The following SLC4A10 variants were observed in gnomAD, a reference collection of about 807,000 sequenced individuals.
The protein encoded by SLC4A10 is sodium-driven chloride bicarbonate exchanger.
In SLC4A10, 42 loss-of-function variants were observed where a neutral mutation model predicts 137.7. The observed-to-expected ratio is 0.30, with a 90% CI of 0.24 to 0.39. The LOEUF (loss-of-function observed/expected upper bound fraction) is 0.39. SLC4A10 is among the 10% of genes least tolerant of loss of function. SLC4A10 has a pLI of 1.00. For missense variants in SLC4A10, 925 were observed against 1,355.0 expected, an observed-to-expected ratio of 0.68 and a Z score of 4.98; for synonymous variants, 474 against 464.1, an observed-to-expected ratio of 1.02 and a Z score of -0.27.
At chr2:161,838,353 G>A (rs1297068119) in intron 3 of SLC4A10, among the ~76,000 whole-genome samples, 1 of 151,732 alleles carries the variant, frequency 6.6e-6, no homozygotes, top group East Asian at 1.9e-4. Flanking sequence ...ATAGCTTCAA[G>A]ATGTAAAATA....
intron 18 of SLC4A10, 108 bp downstream of exon 18, chr2:161,949,369 G>C: frequency 1.5e-6 from 1 of 673,132 alleles, no homozygotes; most frequent in South Asian, 2.2e-5. Context: ...GAAGAATTTA[G>C]ATTAGAAGAC....
intron 15 of SLC4A10, among the ~76,000 whole-genome samples, chr2:161,939,423 A>G (rs1037381873): frequency 7.9e-5 from 12 of 151,504 alleles, no homozygotes; most frequent in Non-Finnish European, 2.9e-5. Context: ...TCTTCACTCT[A>G]CCTCCCTTTT....
chr2:161,738,044 C>A (rs2125227981), intron 1 of SLC4A10, among the ~76,000 whole-genome samples: 1 of 152,186 alleles, frequency 6.6e-6, no homozygotes, highest in South Asian at 2.1e-4. Flanking sequence ...GGATCCAGAC[C>A]AGTTTCTGTT....
chr2:161,879,068 A>T (rs2061597497), intron 8 of SLC4A10, 63 bp from the exon 9 acceptor site: 1 of 1,493,348 alleles, frequency 6.7e-7, no homozygotes, highest in Non-Finnish European at 9.2e-7. Flanking sequence ...GCACTGTGCA[A>T]GAATATGATT....
intron 1 of SLC4A10, among the ~76,000 whole-genome samples, chr2:161,636,997 C>T (rs778509907): frequency 6.7e-6 from 1 of 149,234 alleles, no homozygotes; most frequent in Non-Finnish European, 1.5e-5. Context: ...GGATTACAGG[C>T]GTGCATCACT....
chr2:161,887,010 C>G (rs1191363652), intron 10 of SLC4A10, among the ~76,000 whole-genome samples: 4 of 151,884 alleles, frequency 2.6e-5, no homozygotes, highest in Non-Finnish European at 5.9e-5. Flanking sequence ...TCTCATTGTT[C>G]AACTCCCACT....
At chr2:161,815,561 A>T (rs935958692) in intron 3 of SLC4A10, among the ~76,000 whole-genome samples, 1 of 152,098 alleles carries the variant, frequency 6.6e-6, no homozygotes, top group African/African-American at 2.4e-5. Flanking sequence ...AACGTATATG[A>T]ATCTTAAAAT....
chr2:161,911,815 GT>G (rs1685925661), intron 15 of SLC4A10, among the ~76,000 whole-genome samples: 1 of 151,876 alleles, frequency 6.6e-6, no homozygotes, highest in Non-Finnish European at 1.5e-5. Context: ...TTCACATATA[GT>G]TTCCCCCCTA....
chr2:161,691,075 T>A (rs2041940857), intron 1 of SLC4A10, among the ~76,000 whole-genome samples: 1 of 152,268 alleles, frequency 6.6e-6, no homozygotes, highest in African/African-American at 2.4e-5. Flanking sequence ...TACATACATA[T>A]CTTTTGAATT....
intron 1 of SLC4A10, among the ~76,000 whole-genome samples, chr2:161,763,056 CT>C (rs1026064443): frequency 6.6e-5 from 10 of 151,928 alleles, no homozygotes; most frequent in Admixed American, 5.9e-4. Context: ...ATTAGTTATT[CT>C]TTTTTACTTC....
intron 1 of SLC4A10, among the ~76,000 whole-genome samples, chr2:161,646,264 G>C (rs576183687): frequency 1.3e-5 from 2 of 152,100 alleles, no homozygotes; most frequent in South Asian, 4.1e-4. Flanking sequence ...TGATAACTTA[G>C]AGTGCCCTCT....
intron 1 of SLC4A10, among the ~76,000 whole-genome samples, chr2:161,647,945 G>T (rs2105548057): frequency 6.6e-6 from 1 of 152,278 alleles, no homozygotes; most frequent in East Asian, 1.9e-4. Context: ...ATGATGGCTG[G>T]TTTTTAGAAG....
chr2:161,926,298 A>G (rs1052253476), intron 15 of SLC4A10, among the ~76,000 whole-genome samples: 1 of 141,396 alleles, frequency 7.1e-6, no homozygotes, highest in African/African-American at 2.6e-5. Context: ...TCCCTTTACC[A>G]TTATGTAATG....
rs1687989811 is a variant in SLC4A10 at position 161,920,801 on chromosome 2, T to C, written c.1997+14914T>C. 2.6e-5 allele frequency among the ~76,000 whole-genome samples: 4 copies of C among 152,224 alleles called. 1 individual carries two copies. In the South Asian group the frequency reaches 8.3e-4, roughly 31 times the overall value. Reference sequence around the variant, plus strand: ...TTCAAGGAATAATAAGTAGGTTTACTGTTCTGTTCATACATGTGCTTACTC... The same window carrying C: ...TTCAAGGAATAATAAGTAGGTTTACCGTTCTGTTCATACATGTGCTTACTC... On this transcript the variant is annotated intron_variant, in intron 15 of 26. Coordinates refer to ENST00000446997, the MANE Select transcript of SLC4A10 (RefSeq NM_001178015.2).
intron 1 of SLC4A10, among the ~76,000 whole-genome samples, chr2:161,737,112 G>C (rs2047425249): frequency 6.6e-6 from 1 of 152,010 alleles, no homozygotes; most frequent in African/African-American, 2.4e-5. Flanking sequence ...TCCCACCTCA[G>C]CTTCCCAAAG....
At chr2:161,750,180 A>G (rs1193310275) in intron 1 of SLC4A10, among the ~76,000 whole-genome samples, 3 of 150,890 alleles carry the variant, frequency 2.0e-5, no homozygotes, top group Non-Finnish European at 4.5e-5. Flanking sequence ...TCAATTTTCT[A>G]TATTTTTTCA....
At chr2:161,635,576 A>G (rs2034277027) in intron 1 of SLC4A10, among the ~76,000 whole-genome samples, 1 of 152,160 alleles carries the variant, frequency 6.6e-6, no homozygotes, top group Non-Finnish European at 1.5e-5. Flanking sequence ...TGGTAAAGCC[A>G]TGTTTCATCT....
intron 3 of SLC4A10, among the ~76,000 whole-genome samples, chr2:161,810,836 G>T (rs1319325421): frequency 1.3e-5 from 2 of 151,758 alleles, no homozygotes; most frequent in Non-Finnish European, 2.9e-5. Context: ...CTGTTTTTGT[G>T]TCTCTGCCAG....
intron 8 of SLC4A10, among the ~76,000 whole-genome samples, chr2:161,876,364 A>G (rs1386018486): frequency 6.6e-6 from 1 of 152,142 alleles, no homozygotes; most frequent in Non-Finnish European, 1.5e-5. Context: ...CTTTAAACAT[A>G]ATATTTTATT....
Sources: allele counts gnomAD v4.1 joint callset (sites outside exome capture counted in the v4.1 genomes callset), GRCh38; gene constraint gnomAD v4.1.1; transcripts MANE v1.5; gene names NCBI Gene and HGNC (gene_info 2026-07-23, HGNC 2026-07-21).